Variants in SLC44A3 observed in about 807,000 individuals in gnomAD.
SLC44A3 encodes the protein solute carrier family 44 member 3.
In SLC44A3, 74 loss-of-function variants were observed where a neutral mutation model predicts 75.4. The observed-to-expected ratio is 0.98, with a 90% CI of 0.81 to 1.19. SLC44A3 has a LOEUF of 1.19. Ranked by LOEUF, SLC44A3 falls within the 50% of genes most tolerant of loss-of-function variation. The pLI, the probability that SLC44A3 is intolerant of heterozygous loss-of-function variation, is 0.00. For synonymous variants in SLC44A3, 310 were observed against 296.9 expected, an observed-to-expected ratio of 1.04 and a Z score of -0.45; for missense variants, 700 against 778.6, an observed-to-expected ratio of 0.90 and a Z score of 1.20.
chr1:94,847,522 T>C (rs567432925), intron 9 of SLC44A3, among the ~76,000 whole-genome samples: 15 of 152,344 alleles, frequency 9.8e-5, no homozygotes, highest in African/African-American at 3.1e-4. Context: ...TCAGAGGTTC[T>C]ATAACCAAGA....
chr1:94,887,366 ATC>A (rs3831327), intron 12 of SLC44A3, among the ~76,000 whole-genome samples: 70,452 of 151,664 alleles, frequency 0.46, 18,384 homozygotes, highest in Non-Finnish European at 0.59. Flanking sequence ...TTAATTCTAG[ATC>A]TCTCTGTTGC....
chr1:94,833,632 C>G (rs1179466213), intron 5 of SLC44A3, among the ~76,000 whole-genome samples: 1 of 152,172 alleles, frequency 6.6e-6, no homozygotes, highest in Non-Finnish European at 1.5e-5. Flanking sequence ...AAGCCGCTCA[C>G]CCTCCAGATT....
At position 94,824,520 on chromosome 1, in the gene SLC44A3, G is replaced by T; in HGVS notation, c.163G>T (p.Ala55Ser). Reference sequence around the variant, plus strand: ...GTTTATCATGGGCTACTCGGTGGTGGCTGGAGCCGCGGGAAGACTCCTCTT... The same window carrying T: ...GTTTATCATGGGCTACTCGGTGGTGTCTGGAGCCGCGGGAAGACTCCTCTT... ...LVFIMGYSVV[A>S]GAAGRLLFGY... is the part of the protein sequence containing the mutation. Residue 55 changes from alanine to serine, a missense_variant, in exon 3 of 15, where the codon GCT (alanine) becomes TCT (serine). Ala to Ser is a moderately conservative substitution (Grantham distance 99). Transcript: ENST00000271227. 3 of 1,609,426 alleles carry T rather than the reference G, an allele frequency of 1.9e-6. No homozygotes were observed. Among genetic ancestry groups the T allele is most frequent in the South Asian group, 2.2e-5 (2 of 90,450 alleles).
intron 12 of SLC44A3, chr1:94,889,430 A>G (rs904781580): frequency 3.9e-5 from 6 of 152,172 alleles, no homozygotes; most frequent in Non-Finnish European, 8.8e-5. Flanking sequence ...GCATTTTTAA[A>G]GATTTCAAGA....
intron 10 of SLC44A3, among the ~76,000 whole-genome samples, chr1:94,863,482 A>C (rs1666821190): frequency 6.6e-6 from 1 of 152,144 alleles, no homozygotes; most frequent in Admixed American, 6.5e-5. Flanking sequence ...TGAGCACCAT[A>C]ATAAGTTCTA....
At chr1:94,833,785 A>T (rs1662439785) in intron 5 of SLC44A3, among the ~76,000 whole-genome samples, 1 of 152,106 alleles carries the variant, frequency 6.6e-6, no homozygotes, top group Non-Finnish European at 1.5e-5. Flanking sequence ...ACTCTTCAAA[A>T]ATTACTCTTC....
intron 2 of SLC44A3, among the ~76,000 whole-genome samples, chr1:94,822,096 T>C (rs1267292634): frequency 2.6e-5 from 4 of 152,208 alleles, no homozygotes; most frequent in Non-Finnish European, 5.9e-5. Context: ...GTTGTATAAA[T>C]GCAGGGAGCA....
At chr1:94,825,119 C>T (rs1452911248) in intron 3 of SLC44A3, among the ~76,000 whole-genome samples, 1 of 152,176 alleles carries the variant, frequency 6.6e-6, no homozygotes, top group Non-Finnish European at 1.5e-5. Context: ...CCCACCCCTG[C>T]CCCAGCTATG....
At chr1:94,881,529 C>T (rs1447523771) in intron 12 of SLC44A3, among the ~76,000 whole-genome samples, 1 of 151,092 alleles carries the variant, frequency 6.6e-6, no homozygotes, top group African/African-American at 2.4e-5. Flanking sequence ...ATGGTGAAAC[C>T]CCGTCTCTAC....
intron 12 of SLC44A3, among the ~76,000 whole-genome samples, chr1:94,885,891 G>A (rs1669533869): frequency 6.6e-6 from 1 of 152,190 alleles, no homozygotes; most frequent in South Asian, 2.1e-4. Context: ...CCTGCCTACT[G>A]ACTGGAAAAG....
At chr1:94,845,590 C>A in intron 9 of SLC44A3, 126 bp downstream of exon 9, 2 of 842,016 alleles carry the variant, frequency 2.4e-6, no homozygotes, top group African/African-American at 1.7e-5. Flanking sequence ...ATGACAGCAG[C>A]GTTGGTGCTT....
intron 5 of SLC44A3, among the ~76,000 whole-genome samples, chr1:94,830,845 C>A (rs1010742218): frequency 1.3e-5 from 2 of 152,170 alleles, no homozygotes; most frequent in East Asian, 1.9e-4. Flanking sequence ...AAGCTTATAT[C>A]TTGATACTTA....
At chr1:94,868,031 C>T (rs180880179) in intron 12 of SLC44A3, among the ~76,000 whole-genome samples, 38 of 152,230 alleles carry the variant, frequency 2.5e-4, no homozygotes, top group Admixed American at 1.9e-3. Context: ...ATAGATTTCA[C>T]CAGTCTTTCC....
At chr1:94,855,033 G>T (rs1665705039) in intron 9 of SLC44A3, among the ~76,000 whole-genome samples, 1 of 152,140 alleles carries the variant, frequency 6.6e-6, no homozygotes, top group African/African-American at 2.4e-5. Context: ...AAAATAACTT[G>T]CAGGTTCTGC....
chr1:94,864,872 G>A lies in SLC44A3; in HGVS notation c.1368G>A (p.Met456Ile). Residue 456 changes from methionine to isoleucine, a missense_variant, in exon 11 of 15, where the codon ATG (methionine) becomes ATA (isoleucine). By Grantham distance (10) the Met-to-Ile change is conservative. Coordinates refer to ENST00000271227, the MANE Select transcript of SLC44A3 (RefSeq NM_001114106.3). ...TGAGGATTCCGAGAATCATTGTCAT[G>A]TACATGCAAAACGCACTGAAAGAAC... ...SVVRIPRIIV[M>I]YMQNALKEQQ... The A allele has an allele frequency of 6.2e-7, 1 of 1,613,812 alleles. No individual in the cohort carries two copies. Among genetic ancestry groups the A allele is most frequent in the Non-Finnish European group, 8.5e-7 (1 of 1,179,878 alleles).
rs768882937 is a variant in SLC44A3, at chr1:94,857,485, C to T, written c.1223C>T (p.Thr408Ile). The T allele has an allele frequency of 1.2e-6, 2 of 1,611,232 alleles. No homozygotes were observed. The highest frequency in any genetic ancestry group is 4.5e-5 in the East Asian group (2 of 44,778). ...QQMTIAGAVVTCYFNRSKNDP... is the reference protein window; with the variant it reads ...QQMTIAGAVVICYFNRSKNDP... The stretch of plus-strand genomic sequence containing the variant: ...ATGACTATAGCTGGGGCAGTGGTTA[C>T]TTGTTATTTCAACAGGTAGGTCCAG... Residue 408 changes from threonine (T) to isoleucine (I), a missense_variant, in exon 10 of 15, where the codon ACT (threonine) becomes ATT (isoleucine). Transcript: ENST00000271227.
intron 1 of SLC44A3, 148 bp downstream of exon 1, chr1:94,820,626 G>A (rs1293252845): frequency 7.3e-7 from 1 of 1,369,846 alleles, no homozygotes; most frequent in East Asian, 2.9e-5. Context: ...GCCACCTGGC[G>A]GGGAGGAACC....
chr1:94,887,736 G>A (rs770892009), intron 12 of SLC44A3, among the ~76,000 whole-genome samples: 1 of 152,166 alleles, frequency 6.6e-6, no homozygotes, highest in Non-Finnish European at 1.5e-5. Context: ...AAGTGATGGG[G>A]TGGTGGGCTG....
At chr1:94,880,174 T>G (rs1668794009) in intron 12 of SLC44A3, among the ~76,000 whole-genome samples, 1 of 152,122 alleles carries the variant, frequency 6.6e-6, no homozygotes. Context: ...TGTTCCTGAG[T>G]GTATAGTCAA....
Sources: gnomAD v4.1 joint callset for allele counts (sites outside exome capture counted in the v4.1 genomes callset) on GRCh38, gnomAD v4.1.1 for gene constraint, MANE v1.5 for transcripts, NCBI Gene and HGNC (gene_info 2026-07-23, HGNC 2026-07-21) for gene names.